KIAA1217: variants seen among roughly 807,000 people sequenced by gnomAD.
KIAA1217 encodes the protein sickle tail protein homolog.
In KIAA1217, 88 loss-of-function variants were observed where a neutral mutation model predicts 163.9. The observed-to-expected ratio is 0.54, with a 90% CI of 0.45 to 0.64. KIAA1217 has a LOEUF of 0.64. KIAA1217 is among the 30% of genes least tolerant of loss of function. The probability of loss-of-function intolerance (pLI) is 0.00; values close to 1 mark genes in which losing one functional copy is unlikely to be tolerated. For missense variants in KIAA1217, 2,372 were observed against 2,475.0 expected (o/e 0.96, Z 0.88); for synonymous variants, 903 against 923.1 (o/e 0.98, Z 0.39).
chr10:24,378,973 A>G (rs1243745196), intron 2 of KIAA1217, among the ~76,000 whole-genome samples: 1 of 152,200 alleles, frequency 6.6e-6, no homozygotes, highest in Non-Finnish European at 1.5e-5. Context: ...TTCAAGGATT[A>G]TTACCTTCTG....
intron 1 of KIAA1217, among the ~76,000 whole-genome samples, chr10:23,812,886 G>A (rs758720820): frequency 6.6e-6 from 1 of 152,220 alleles, no homozygotes; most frequent in Non-Finnish European, 1.5e-5. Flanking sequence ...TGGCTATTAT[G>A]AGTAATGCTG....
intron 2 of KIAA1217, among the ~76,000 whole-genome samples, chr10:24,041,622 G>T (rs1235706478): frequency 6.6e-6 from 1 of 152,112 alleles, no homozygotes; most frequent in Admixed American, 6.5e-5. Context: ...GCAGCCCAAA[G>T]AGGTTGGAAA....
intron 1 of KIAA1217, among the ~76,000 whole-genome samples, chr10:24,006,729 G>T (rs1847015941): frequency 6.6e-6 from 1 of 152,180 alleles, no homozygotes; most frequent in Non-Finnish European, 1.5e-5. Context: ...CCATGAGCAT[G>T]ACCATGACCA....
At chr10:24,534,968 G>A (rs2073777226) in intron 16 of KIAA1217, among the ~76,000 whole-genome samples, 1 of 150,234 alleles carries the variant, frequency 6.7e-6, no homozygotes, top group Non-Finnish European at 1.5e-5. Context: ...GGCTGGGATA[G>A]AAACCCAGCC....
intron 1 of KIAA1217, among the ~76,000 whole-genome samples, chr10:23,822,051 TG>T (rs1325558324): frequency 3.9e-5 from 6 of 152,118 alleles, no homozygotes; most frequent in Non-Finnish European, 7.4e-5. Flanking sequence ...TAAGAGCGGG[TG>T]CAGGCACCAC....
chr10:24,542,217 G>C (rs921232789), intron 17 of KIAA1217, among the ~76,000 whole-genome samples: 8 of 152,206 alleles, frequency 5.3e-5, no homozygotes, highest in African/African-American at 1.9e-4. Flanking sequence ...CCCTGGGCTG[G>C]TTCCTAAGTT....
At chr10:24,065,430 A>C (rs1475745322) in intron 2 of KIAA1217, among the ~76,000 whole-genome samples, 1 of 152,060 alleles carries the variant, frequency 6.6e-6, no homozygotes. Flanking sequence ...CAGGTTGTTC[A>C]GTTTCCATGT....
At chr10:24,530,709 G>A (rs554106698) in intron 14 of KIAA1217, among the ~76,000 whole-genome samples, 1 of 152,196 alleles carries the variant, frequency 6.6e-6, no homozygotes, top group South Asian at 2.1e-4. Context: ...AGCAGCCTGG[G>A]CAGCATAGTG....
At chr10:24,132,501 G>A (rs1483731870) in intron 2 of KIAA1217, among the ~76,000 whole-genome samples, 2 of 152,150 alleles carry the variant, frequency 1.3e-5, no homozygotes, top group Non-Finnish European at 2.9e-5. Context: ...AAGATGAATC[G>A]GACATTGTCT....
At chr10:23,795,909 C>G (rs1341366454) in intron 1 of KIAA1217, among the ~76,000 whole-genome samples, 1 of 152,204 alleles carries the variant, frequency 6.6e-6, no homozygotes, top group East Asian at 1.9e-4. Context: ...GTGACTCTGA[C>G]TTGCTTGGGA....
intron 2 of KIAA1217, among the ~76,000 whole-genome samples, chr10:24,361,825 A>C (rs2050048407): frequency 1.3e-5 from 2 of 151,982 alleles, no homozygotes; most frequent in African/African-American, 4.8e-5. Flanking sequence ...AATACAAAAA[A>C]TTAGCCAGGC....
rs146117720 is a variant in KIAA1217 at position 23,729,433 on chromosome 10, C to T, written c.-321+34199C>T. Among the ~76,000 whole-genome samples the T allele has an allele frequency of 7.1e-3, 1,078 of 152,258 alleles. 14 individuals are homozygous for T. Among genetic ancestry groups the T allele is most frequent in the African/African-American group, 0.024 (1,010 of 41,554 alleles). On this transcript the variant is annotated intron_variant, in intron 1 of 18. Transcript: ENST00000376462. ...CCCACCAACAATGAATGAGAGTTCC[C>T]GTTACTCCACATCCTTGCTAGCATT... is the stretch of plus-strand genomic sequence containing the variant.
intron 2 of KIAA1217, among the ~76,000 whole-genome samples, chr10:24,294,865 A>C (rs2040402843): frequency 6.6e-6 from 1 of 152,236 alleles, no homozygotes; most frequent in Non-Finnish European, 1.5e-5. Flanking sequence ...GTGTCAAATC[A>C]CACATACCCT....
chr10:23,852,329 A>G (rs904593370), intron 1 of KIAA1217, among the ~76,000 whole-genome samples: 1 of 152,070 alleles, frequency 6.6e-6, no homozygotes, highest in African/African-American at 2.4e-5. Flanking sequence ...AGTTGTAGAT[A>G]AGCGGCGCTA....
intron 2 of KIAA1217, 22 bp downstream of exon 2, chr10:24,219,931 T>A: frequency 6.4e-7 from 1 of 1,560,732 alleles, no homozygotes; most frequent in South Asian, 1.2e-5. Context: ...CTCTCATTTC[T>A]CCTTGTGTAG....
chr10:24,023,700 A>T (rs1847828547), intron 2 of KIAA1217, among the ~76,000 whole-genome samples: 2 of 151,794 alleles, frequency 1.3e-5, no homozygotes, highest in South Asian at 4.1e-4. Context: ...AATAATGTTC[A>T]TAGTAACTTT....
chr10:24,402,347 A>G (rs1234819204), intron 3 of KIAA1217, among the ~76,000 whole-genome samples: 1 of 151,848 alleles, frequency 6.6e-6, no homozygotes, highest in Non-Finnish European at 1.5e-5. Flanking sequence ...TCTACTAAAA[A>G]ATACACAAAA....
Position 24,412,762 on chromosome 10 carries a change from C to A in KIAA1217, c.554-20233C>A, listed in dbSNP as rs184983713. Among the ~76,000 whole-genome samples the A allele has an allele frequency of 5.1e-4, 77 of 152,254 alleles. 2 individuals are homozygous for A. In the East Asian group the frequency reaches 0.013, roughly 25 times the overall value. On this transcript the variant is annotated intron_variant, in intron 3 of 20. Coordinates refer to ENST00000376454, the MANE Select transcript of KIAA1217 (RefSeq NM_019590.5). ...TGCCATCGGTGTGAATGGATCCTGC[C>A]GCATGGTGCCAAATATCAGCTATAG...
intron 1 of KIAA1217, among the ~76,000 whole-genome samples, chr10:23,990,223 T>C (rs1409294425): frequency 3.3e-5 from 5 of 152,214 alleles, no homozygotes; most frequent in Non-Finnish European, 7.3e-5. Flanking sequence ...ATGTATTCTC[T>C]TCTAACCTCA....
Sources: allele counts gnomAD v4.1 joint callset (sites outside exome capture counted in the v4.1 genomes callset), GRCh38; gene constraint gnomAD v4.1.1; transcripts MANE v1.5; gene names NCBI Gene and HGNC (gene_info 2026-07-23, HGNC 2026-07-21).